TTC6: variants seen among roughly 807,000 people sequenced by gnomAD.
TTC6 encodes the protein tetratricopeptide repeat protein 6.
In TTC6, 172 loss-of-function variants were observed where a neutral mutation model predicts 210.4. The observed-to-expected ratio is 0.82, with a 90% CI of 0.72 to 0.93. TTC6 has a LOEUF of 0.93. Among genes scored for constraint, TTC6 ranks in the 40% least tolerant of loss-of-function variants. The pLI is 0.00. For synonymous variants in TTC6, 804 were observed against 819.6 expected (o/e 0.98, Z 0.32); for missense variants, 2,414 against 2,318.1 (o/e 1.04, Z -0.85).
At chr14:37,726,698 CTGTT>C (rs2095873711) in intron 7 of TTC6, among the ~76,000 whole-genome samples, 1 of 152,050 alleles carries the variant, frequency 6.6e-6, no homozygotes. Flanking sequence ...GAAGAGCTCA[CTGTT>C]TGGACTCATC....
chr14:37,676,998 C>T (rs181383745), intron 1 of TTC6, among the ~76,000 whole-genome samples: 1 of 151,978 alleles, frequency 6.6e-6, no homozygotes, highest in Non-Finnish European at 1.5e-5. Context: ...AAGTGTGAGT[C>T]CTCCAGCTTT....
intron 14 of TTC6, among the ~76,000 whole-genome samples, chr14:37,777,057 T>A (rs749592528): frequency 3.9e-5 from 6 of 152,296 alleles, no homozygotes; most frequent in Non-Finnish European, 8.8e-5. Context: ...CCTTGGAGAA[T>A]CTGATGACTA....
At chr14:37,769,727 A>G (rs1371847428) in intron 14 of TTC6, among the ~76,000 whole-genome samples, 11 of 150,226 alleles carry the variant, frequency 7.3e-5, no homozygotes, top group Admixed American at 7.3e-4. Context: ...TAGTCTATCA[A>G]TTTTGTTGAT....
chr14:37,774,465 A>G (rs1466148393), intron 14 of TTC6, among the ~76,000 whole-genome samples: 5 of 152,202 alleles, frequency 3.3e-5, no homozygotes, highest in Admixed American at 1.3e-4. Context: ...GGTTTTTAAC[A>G]TAAAGGTTTC....
chr14:37,787,716 T>G, intron 15 of TTC6, 79 bp downstream of exon 17: 1 of 1,205,458 alleles, frequency 8.3e-7, no homozygotes, highest in Non-Finnish European at 1.1e-6. Flanking sequence ...TGAATGGTAA[T>G]GTGGGTTCAC....
intron 1 of TTC6, among the ~76,000 whole-genome samples, chr14:37,638,985 A>G (rs112975800): frequency 6.6e-6 from 1 of 152,338 alleles, no homozygotes; most frequent in Admixed American, 6.5e-5. Context: ...TCTTAGTACA[A>G]ATGTGTGTGT....
chr14:37,842,054 G>A lies in TTC6; in HGVS notation c.5525-101G>A, dbSNP rs2096211337. 2.8e-6 allele frequency: 3 copies of A among 1,074,804 alleles called. No individual in the cohort carries two copies. In the Admixed American group the frequency reaches 8.9e-5, roughly 32 times the overall value. The allele number at this position is 1,074,804 out of a possible 1,614,324, so 66.6% of individuals were successfully genotyped here. ...TAAAGTTCTTGATTTCATCCATTGAGTTAATTTTTTTAAAAGTTCTTATCC... is the reference window on the plus strand; with the variant it reads ...TAAAGTTCTTGATTTCATCCATTGAATTAATTTTTTTAAAAGTTCTTATCC... On this transcript the variant is annotated intron_variant, in intron 30 of 30. Coordinates refer to ENST00000553443, the Ensembl canonical transcript of TTC6.
At chr14:37,751,116 A>T in exon 13 of TTC6, 1 of 1,532,428 alleles carries the variant, frequency 6.5e-7, no homozygotes, top group Non-Finnish European at 8.7e-7. Context: ...GCAATTCTAA[A>T]CTATACCCAG....
intron 2 of TTC6, among the ~76,000 whole-genome samples, chr14:37,680,986 A>G (rs1360445776): frequency 2.0e-5 from 3 of 152,132 alleles, no homozygotes; most frequent in African/African-American, 4.8e-5. Context: ...CACAAAAGCT[A>G]TGGGTCCTAT....
chr14:37,727,434 C>G (rs76580664), intron 7 of TTC6, among the ~76,000 whole-genome samples: 23,222 of 151,066 alleles, frequency 0.15, 2,362 homozygotes, highest in Non-Finnish European at 0.23. Context: ...GCCGGGACTA[C>G]AGGCGCACAC....
intron 1 of TTC6, among the ~76,000 whole-genome samples, chr14:37,604,534 G>A (rs899144862): frequency 3.3e-5 from 5 of 152,104 alleles, no homozygotes; most frequent in African/African-American, 7.2e-5. Flanking sequence ...TATTGTCGGA[G>A]CCCGCCTGAA....
At chr14:37,698,896 T>TA (rs2095819669) in intron 4 of TTC6, among the ~76,000 whole-genome samples, 1 of 152,214 alleles carries the variant, frequency 6.6e-6, no homozygotes, top group Non-Finnish European at 1.5e-5. Flanking sequence ...TATCCTCATT[T>TA]ATCAGAAGAC....
At chr14:37,680,895 C>G (rs1161334924) in intron 2 of TTC6, among the ~76,000 whole-genome samples, 1 of 151,992 alleles carries the variant, frequency 6.6e-6, no homozygotes, top group African/African-American at 2.4e-5. Context: ...AAATATGACC[C>G]CCACATACAT....
At position 37,726,896 on chromosome 14, in the gene TTC6, T is replaced by A. The variant is rs150098900; in HGVS notation, c.1818+1894T>A. Among the ~76,000 whole-genome samples the A allele has an allele frequency of 3.3e-3, 495 of 152,244 alleles. 3 individuals carry two copies. Among genetic ancestry groups the A allele is most frequent in the Non-Finnish European group, 4.9e-3 (331 of 67,986 alleles). ...TATATTTTGTCAGTTTTAATATTCCTTTCTAATATTGCATCATTTTCTTTT... is the reference window on the plus strand; with the variant it reads ...TATATTTTGTCAGTTTTAATATTCCATTCTAATATTGCATCATTTTCTTTT... On this transcript the variant is annotated intron_variant, in intron 7 of 30. Transcript: ENST00000553443.
At chr14:37,701,577 T>C in intron 5 of TTC6, 51 bp downstream of exon 7, 1 of 1,364,842 alleles carries the variant, frequency 7.3e-7, no homozygotes, top group Admixed American at 3.2e-5. Flanking sequence ...AACTGTCATA[T>C]AAATCCTGCC....
chr14:37,710,053 G>A (rs1238340935), intron 5 of TTC6, among the ~76,000 whole-genome samples: 1 of 152,114 alleles, frequency 6.6e-6, no homozygotes, highest in Non-Finnish European at 1.5e-5. Flanking sequence ...ACCATTGCAT[G>A]TGAGATTGAC....
chr14:37,817,758 T>C (rs576533514), intron 26 of TTC6, 107 bp downstream of exon 28: 3 of 1,123,084 alleles, frequency 2.7e-6, no homozygotes, highest in Non-Finnish European at 4.0e-6. Context: ...CTGGGAGAAA[T>C]TGTGAATGTT....
intron 7 of TTC6, among the ~76,000 whole-genome samples, chr14:37,730,691 A>G (rs1405025497): frequency 6.6e-6 from 1 of 152,082 alleles, no homozygotes; most frequent in Non-Finnish European, 1.5e-5. Context: ...TTGTGGATGT[A>G]TATTTATTTT....
intron 14 of TTC6, among the ~76,000 whole-genome samples, chr14:37,764,663 A>G (rs1300224517): frequency 6.6e-6 from 1 of 152,014 alleles, no homozygotes; most frequent in African/African-American, 2.4e-5. Context: ...TGTATCTTTG[A>G]TCTGAATTGA....
Sources: allele counts gnomAD v4.1 joint callset (sites outside exome capture counted in the v4.1 genomes callset), GRCh38; gene constraint gnomAD v4.1.1; transcripts MANE v1.5; gene names NCBI Gene and HGNC (gene_info 2026-07-23, HGNC 2026-07-21).